HAT1: variants seen among roughly 807,000 people sequenced by gnomAD.
HAT1 encodes the protein histone acetyltransferase type B catalytic subunit.
Under a neutral mutation model 56.6 loss-of-function variants are expected in HAT1, and 20 were observed. The ratio of observed to expected loss-of-function variants is 0.35; its 90% confidence interval spans 0.25 to 0.51. HAT1 has a LOEUF of 0.51. Among genes scored for constraint, HAT1 ranks in the 20% least tolerant of loss-of-function variants. The pLI, the probability that HAT1 is intolerant of heterozygous loss-of-function variation, is 0.95. For synonymous variants in HAT1, 146 were observed against 165.5 expected, an observed-to-expected ratio of 0.88 and a Z score of 0.91; for missense variants, 408 against 504.3, an observed-to-expected ratio of 0.81 and a Z score of 1.83.
intron 2 of HAT1, among the ~76,000 whole-genome samples, chr2:171,940,923 T>C (rs141042712): frequency 1.3e-3 from 194 of 152,346 alleles, no homozygotes; most frequent in African/African-American, 4.4e-3. Flanking sequence ...TTCAGTGATA[T>C]TTGTTTTTCA....
chr2:171,938,069 T>TCTCTCTCC, intron 2 of HAT1, among the ~76,000 whole-genome samples: 1 of 137,452 alleles, frequency 7.3e-6, no homozygotes, highest in South Asian at 2.3e-4. Context: ...TCTCTCTCTC[T>TCTCTCTCC]CTCTCTTTAA....
At chr2:171,971,591 A>C (rs1389737765) in intron 8 of HAT1, among the ~76,000 whole-genome samples, 2 of 152,184 alleles carry the variant, frequency 1.3e-5, no homozygotes, top group Non-Finnish European at 2.9e-5. Flanking sequence ...TTTCTTGAAA[A>C]TCAGTTGACC....
intron 2 of HAT1, among the ~76,000 whole-genome samples, chr2:171,941,968 G>C (rs1332345005): frequency 6.6e-6 from 1 of 152,078 alleles, no homozygotes; most frequent in African/African-American, 2.4e-5. Flanking sequence ...GCAGTGGCTC[G>C]ATCTCGGCTT....
In HAT1 at chr2:171,976,137, A is replaced by G; in HGVS notation, c.824-20A>G. On this transcript the variant is annotated intron_variant, in intron 8 of 10. Transcript: ENST00000264108. ...TGAGTATCAGGGAAATGTTAATATT[A>G]TTCTGCTTTATTTATTTAGCGGAAG... 1 of 1,359,970 alleles carries G rather than the reference A, an allele frequency of 7.4e-7. No homozygotes were observed. Among genetic ancestry groups the G allele is most frequent in the Non-Finnish European group, 9.7e-7 (1 of 1,036,116 alleles). The allele number at this position is 1,359,970 out of a possible 1,614,324, so 84.2% of individuals were successfully genotyped here.
At position 171,952,922 on chromosome 2, in the gene HAT1, A is replaced by G; in HGVS notation, c.230A>G (p.Tyr77Cys). The change falls in exon 4 of 11, where the codon TAC becomes TGC. Residue 77 changes from tyrosine (Y) to cysteine (C), a missense_variant. Tyr to Cys is a radical substitution (Grantham distance 194). Coordinates refer to ENST00000264108, the MANE Select transcript of HAT1 (RefSeq NM_003642.4). The part of the protein sequence containing the change: ...FGYKGLKILL[Y>C]YIAGSLSTMF... ...TACAAGGGTCTAAAGATCCTGTTAT[A>G]CTATATTGCTGGTAGCCTGTCAACA... The G allele has an allele frequency of 6.3e-7, 1 of 1,591,188 alleles. No individual in the cohort carries two copies.
chr2:171,924,576 T>C (rs1362988812), intron 1 of HAT1: 2 of 152,220 alleles, frequency 1.3e-5, no homozygotes, highest in Admixed American at 6.5e-5. Context: ...TCCAATGTTA[T>C]TTATTATGTA....
At chr2:171,968,330 G>C (rs1364954284) in intron 8 of HAT1, among the ~76,000 whole-genome samples, 12 of 152,182 alleles carry the variant, frequency 7.9e-5, no homozygotes, top group Admixed American at 7.8e-4. Flanking sequence ...GCTTAGACTT[G>C]CTGCTACATG....
chr2:171,950,940 G>A (rs1020496024), intron 3 of HAT1, among the ~76,000 whole-genome samples: 1 of 152,106 alleles, frequency 6.6e-6, no homozygotes, highest in Non-Finnish European at 1.5e-5. Flanking sequence ...CTCCCGAGTC[G>A]CTGGGGTTAC....
intron 2 of HAT1, among the ~76,000 whole-genome samples, chr2:171,933,268 A>G (rs1686789149): frequency 6.6e-6 from 1 of 152,034 alleles, no homozygotes; most frequent in Non-Finnish European, 1.5e-5. Flanking sequence ...TGTGTTGCTC[A>G]GGGTGGTCTC....
chr2:171,938,027 T>TCTCTCC, intron 2 of HAT1, among the ~76,000 whole-genome samples: 2 of 45,232 alleles, frequency 4.4e-5, no homozygotes. Flanking sequence ...CTACTGATTC[T>TCTCTCC]CTCTCTCTCT....
chr2:171,959,162 GT>G (rs779398956), intron 4 of HAT1, among the ~76,000 whole-genome samples: 5 of 152,164 alleles, frequency 3.3e-5, no homozygotes, highest in East Asian at 1.9e-4. Flanking sequence ...GTGGTTTGAT[GT>G]TTGAAAAGAT....
intron 9 of HAT1, among the ~76,000 whole-genome samples, chr2:171,976,865 G>A (rs1687978969): frequency 6.6e-6 from 1 of 152,300 alleles, no homozygotes; most frequent in East Asian, 1.9e-4. Context: ...AGAATGAGTA[G>A]GATTTGGATT....
chr2:171,972,688 G>T (rs1298097286), intron 8 of HAT1, among the ~76,000 whole-genome samples: 1 of 152,262 alleles, frequency 6.6e-6, no homozygotes, highest in Admixed American at 6.5e-5. Flanking sequence ...CACAGCAGAG[G>T]TTTTGGCAGC....
At chr2:171,928,693 G>A (rs1686659965) in intron 2 of HAT1, among the ~76,000 whole-genome samples, 1 of 151,906 alleles carries the variant, frequency 6.6e-6, no homozygotes, top group East Asian at 1.9e-4. Context: ...GTATTTTTAG[G>A]AGAGACGGAG....
intron 2 of HAT1, among the ~76,000 whole-genome samples, chr2:171,946,484 G>A (rs938285841): frequency 1.3e-5 from 2 of 152,284 alleles, no homozygotes; most frequent in East Asian, 1.9e-4. Flanking sequence ...AGAATAAGTA[G>A]GGTTTTGACG....
intron 2 of HAT1, among the ~76,000 whole-genome samples, chr2:171,929,846 A>T (rs1686693750): frequency 6.6e-6 from 1 of 152,132 alleles, no homozygotes; most frequent in South Asian, 2.1e-4. Context: ...CTTTCTATTG[A>T]TTCCTGGTAG....
intron 2 of HAT1, among the ~76,000 whole-genome samples, chr2:171,935,799 C>T (rs1574037744): frequency 6.6e-6 from 1 of 151,886 alleles, no homozygotes; most frequent in South Asian, 2.1e-4. Context: ...TCACCTGAGC[C>T]TGGGAGGTTG....
At chr2:171,946,621 T>C (rs1687171085) in intron 2 of HAT1, 87 bp from the exon 3 acceptor site, 2 of 784,694 alleles carry the variant, frequency 2.5e-6, no homozygotes, top group Non-Finnish European at 4.4e-6. Context: ...ATCCTAGTTA[T>C]ACTGAAACTC....
chr2:171,965,823 G>C lies in HAT1; in HGVS notation c.526G>C (p.Glu176Gln). The change falls in exon 6 of 11, where the codon GAA becomes CAA. Residue 176 changes from glutamate (E) to glutamine (Q), a missense_variant. Coordinates refer to ENST00000264108, the MANE Select transcript of HAT1 (RefSeq NM_003642.4). ...ATGTAGAGGCTTTCGAGAATATCAT[G>C]AAAGGCTTCAGACCTTTTTGATGTG... ...MTCRGFREYHERLQTFLMWFI... is the reference protein window; with the variant it reads ...MTCRGFREYHQRLQTFLMWFI... The C allele has an allele frequency of 1.9e-6, 3 of 1,612,990 alleles. No homozygotes were observed. The highest frequency in any genetic ancestry group is 2.5e-6 in the Non-Finnish European group (3 of 1,179,076).
Sources: gnomAD v4.1 joint callset for allele counts (sites outside exome capture counted in the v4.1 genomes callset) on GRCh38, gnomAD v4.1.1 for gene constraint, MANE v1.5 for transcripts, NCBI Gene and HGNC (gene_info 2026-07-23, HGNC 2026-07-21) for gene names.